Variants in OVCH1 observed in about 807,000 individuals in gnomAD.
OVCH1 encodes ovochymase-1.
OVCH1 carries 139 observed loss-of-function variants against 138.4 expected under a neutral mutation model. The ratio of observed to expected loss-of-function variants is 1.00; its 90% CI spans 0.87 to 1.16. The LOEUF is 1.16. Ranked by LOEUF, OVCH1 falls within the 50% of genes most tolerant of loss-of-function variation. The pLI, the probability that OVCH1 is intolerant of heterozygous loss-of-function variation, is 0.00. For synonymous variants in OVCH1, 453 were observed against 467.8 expected, an observed-to-expected ratio of 0.97 and a Z score of 0.41; for missense variants, 1,367 against 1,357.9, an observed-to-expected ratio of 1.01 and a Z score of -0.11.
At chr12:29,496,119 A>T (rs187969871) in intron 3 of OVCH1, 62 bp downstream of exon 3, 20 of 1,442,938 alleles carry the variant, frequency 1.4e-5, no homozygotes, top group Admixed American at 1.4e-4. Context: ...TTAGAGCAAC[A>T]AATCTGCCAG....
chr12:29,465,605 C>T lies in OVCH1; in HGVS notation c.1857-386G>A, dbSNP rs535272651. 8.5e-5 allele frequency among the ~76,000 whole-genome samples: 13 copies of T among 152,228 alleles called. 1 individual carries two copies. In the South Asian group the frequency reaches 2.5e-3, roughly 29 times the overall value. On this transcript the variant is annotated intron_variant, in intron 16 of 27. Transcript: ENST00000318184. The stretch of plus-strand genomic sequence containing the variant: ...CTGCTCAGTTCAGCGAGGCAACAGT[C>T]CCCTGTCCCATTGCCTCTGCGATCT...
exon 3 of OVCH1, chr12:29,496,181 T>C (rs1943409522): frequency 6.2e-7 from 1 of 1,601,014 alleles, no homozygotes; most frequent in South Asian, 1.1e-5. Context: ...CACAACTTAC[T>C]CACTGAGGCT....
intron 25 of OVCH1, chr12:29,440,507 T>G: frequency 3.3e-6 from 1 of 303,378 alleles, no homozygotes; most frequent in Non-Finnish European, 6.4e-6. Flanking sequence ...TAATAGATAT[T>G]TCTAATCCAA....
chr12:29,426,549 GT>G (rs995979754), downstream of OVCH1, among the ~76,000 whole-genome samples: 1 of 152,168 alleles, frequency 6.6e-6, no homozygotes, highest in African/African-American at 2.4e-5. Flanking sequence ...TCAGAGCAAT[GT>G]TTTTAGCATG....
chr12:29,427,621 G>A lies in OVCH1; in HGVS notation c.3355C>T (p.Gln1119Ter). The change falls in exon 28 of 28, where the codon CAG (glutamine) becomes TAG (stop). Residue 1119 changes from glutamine to a stop codon, truncating the protein, a stop_gained. Coordinates refer to ENST00000318184, the Ensembl canonical transcript of OVCH1. LOFTEE classifies it high-confidence loss of function. ...GCAGGCACCAAATCTGCTGGCACCT[G>A]GATCCTGGACTTCTCAGCCTCCATA... The A allele has an allele frequency of 2.6e-6, 4 of 1,551,290 alleles. No individual in the cohort carries two copies. The highest frequency in any genetic ancestry group is 3.5e-6 in the Non-Finnish European group (4 of 1,146,766).
At position 29,495,612 on chromosome 12, in the gene OVCH1, TA is replaced by T. The variant is rs763460394; in HGVS notation, c.282-156del. Among the ~76,000 whole-genome samples, 6 of 151,504 alleles carry T rather than the reference TA, an allele frequency of 4.0e-5. No individual in the cohort carries two copies. The East Asian group carries it at 9.6e-4, about 24-fold the overall frequency. On this transcript the variant is annotated intron_variant, in intron 3 of 27. Coordinates refer to ENST00000318184, the Ensembl canonical transcript of OVCH1. ...TATTATTGAGTATTACCAATGGTCA[TA>T]TTTTTTTTAATCTAGAAAAAATCGT...
chr12:29,481,668 ATG>A (rs1438065775), intron 8 of OVCH1, among the ~76,000 whole-genome samples: 1 of 152,058 alleles, frequency 6.6e-6, no homozygotes, highest in Non-Finnish European at 1.5e-5. Context: ...TCACATTTCT[ATG>A]TGTTTCCTAT....
chr12:29,469,248 C>A (rs939978359), intron 16 of OVCH1, among the ~76,000 whole-genome samples: 2 of 152,108 alleles, frequency 1.3e-5, no homozygotes, highest in African/African-American at 4.8e-5. Flanking sequence ...ACTGTATGAA[C>A]CCTTGATATA....
At position 29,496,550 on chromosome 12, in the gene OVCH1, A is replaced by G; in HGVS notation, c.183+6T>C. 6.3e-7 allele frequency: 1 copy of G among 1,577,928 alleles called. No individual in the cohort carries two copies. Among genetic ancestry groups the G allele is most frequent in the Non-Finnish European group, 8.7e-7 (1 of 1,151,412 alleles). ...ATTAAGAAATCAATGCCTTTGTTGC[A>G]CTGACCTGCCATGGATGTCCAGTCA... On this transcript the variant is annotated splice_donor_region_variant and intron_variant, in intron 2 of 27. Transcript: ENST00000318184.
chr12:29,474,041 T>G (rs1565597333), intron 14 of OVCH1, among the ~76,000 whole-genome samples: 1 of 149,898 alleles, frequency 6.7e-6, no homozygotes, highest in Non-Finnish European at 1.5e-5. Context: ...CTTGTGATCA[T>G]GTAAGTTAAT....
intron 27 of OVCH1, chr12:29,427,766 A>G (rs143097695): frequency 7.6e-5 from 103 of 1,352,802 alleles, no homozygotes; most frequent in Admixed American, 3.1e-4. Context: ...ACAGGGGTCT[A>G]TATTCATTAG....
chr12:29,412,137 G>A (rs971839972), downstream of OVCH1, among the ~76,000 whole-genome samples: 7 of 152,072 alleles, frequency 4.6e-5, no homozygotes, highest in African/African-American at 7.2e-5. Flanking sequence ...CTCCTGGTGC[G>A]CCGTTTTTTA....
chr12:29,465,326 T>A (rs1018446347), intron 16 of OVCH1, 107 bp from the exon 17 acceptor site: 2 of 935,536 alleles, frequency 2.1e-6, no homozygotes, highest in African/African-American at 3.4e-5. Flanking sequence ...TCTGAAGACG[T>A]TCTGAGGAAA....
At chr12:29,490,991 T>G (rs2136086143) in intron 5 of OVCH1, 106 bp downstream of exon 5, 1 of 880,824 alleles carries the variant, frequency 1.1e-6, no homozygotes, top group Non-Finnish European at 1.8e-6. Context: ...AGAAATTAGT[T>G]ATAAAAAATG....
At chr12:29,455,180 C>T (rs1472083728) in intron 20 of OVCH1, 69 bp downstream of exon 20, 3 of 1,509,946 alleles carry the variant, frequency 2.0e-6, no homozygotes, top group Middle Eastern at 1.8e-4. Flanking sequence ...ATTTATACCA[C>T]ACTCACTGTT....
intron 19 of OVCH1, among the ~76,000 whole-genome samples, chr12:29,458,530 A>T (rs959770040): frequency 6.6e-6 from 1 of 152,144 alleles, no homozygotes; most frequent in Non-Finnish European, 1.5e-5. Flanking sequence ...AAGACCTCAA[A>T]CTATAAAATT....
rs1426974013 is a variant in OVCH1, at chr12:29,483,350, TATC to T, written c.995+2893_995+2895del. Among the ~76,000 whole-genome samples the T allele has an allele frequency of 2.6e-5, 4 of 152,372 alleles. No individual in the cohort carries two copies. The Middle Eastern group carries it at 0.014, about 518-fold the overall frequency. ...GGTGGCAAAAGCTTTATTGGCATTC[TATC>T]ATCACAAGTTTGCCTGAGACAAAGT... On this transcript the variant is annotated intron_variant, in intron 8 of 27. Coordinates refer to ENST00000318184, the Ensembl canonical transcript of OVCH1.
At chr12:29,465,559 A>T (rs7312547) in intron 16 of OVCH1, among the ~76,000 whole-genome samples, 6,177 of 152,140 alleles carry the variant, frequency 0.041, 165 homozygotes, top group East Asian at 0.069. Context: ...CCCTACCATC[A>T]TCTGGCTCTA....
At chr12:29,486,275 T>A in exon 8 of OVCH1, 1 of 1,613,808 alleles carries the variant, frequency 6.2e-7, no homozygotes, top group East Asian at 2.2e-5. Context: ...TTCCATTCAC[T>A]TCTTGGACAG....
Sources: gnomAD v4.1 joint callset for allele counts (sites outside exome capture counted in the v4.1 genomes callset) on GRCh38, gnomAD v4.1.1 for gene constraint, MANE v1.5 for transcripts, NCBI Gene and HGNC (gene_info 2026-07-23, HGNC 2026-07-21) for gene names.